Variants in YAP1 observed in about 807,000 individuals in gnomAD.
YAP1 encodes the protein Yes1 associated transcriptional regulator.
Under a neutral mutation model 56.9 loss-of-function variants are expected in YAP1, and 5 were observed. The ratio of observed to expected loss-of-function variants is 0.09; its 90% CI spans 0.05 to 0.18. The LOEUF (loss-of-function observed/expected upper bound fraction) is 0.18. Ranked by LOEUF, YAP1 falls within the 10% of genes least tolerant of loss-of-function variation. The pLI, the probability that YAP1 is intolerant of heterozygous loss-of-function variation, is 1.00. For missense variants in YAP1, 539 were observed against 651.8 expected, an observed-to-expected ratio of 0.83 and a Z score of 1.88; for synonymous variants, 265 against 248.1, an observed-to-expected ratio of 1.07 and a Z score of -0.64.
intron 2 of YAP1, among the ~76,000 whole-genome samples, chr11:102,154,138 G>A (rs1945816131): frequency 6.6e-6 from 1 of 152,138 alleles, no homozygotes; most frequent in Non-Finnish European, 1.5e-5. Context: ...CATTTAACTT[G>A]AGAGGTTCAA....
At chr11:102,141,374 G>C (rs940104793) in intron 2 of YAP1, among the ~76,000 whole-genome samples, 3 of 152,212 alleles carry the variant, frequency 2.0e-5, no homozygotes, top group Non-Finnish European at 4.4e-5. Flanking sequence ...TAAAGCTTCA[G>C]CACCATGCTC....
At chr11:102,134,080 T>C (rs1944530634) in intron 2 of YAP1, among the ~76,000 whole-genome samples, 1 of 152,196 alleles carries the variant, frequency 6.6e-6, no homozygotes, top group Admixed American at 6.5e-5. Flanking sequence ...TGTCAGCACA[T>C]TGAGGGATTA....
intron 2 of YAP1, among the ~76,000 whole-genome samples, chr11:102,121,192 C>G (rs1160090031): frequency 6.6e-6 from 1 of 152,156 alleles, no homozygotes; most frequent in Non-Finnish European, 1.5e-5. Context: ...AATCCCAGCA[C>G]TTTGAGAGGC....
rs151009014 is a variant in YAP1, at chr11:102,195,608, C to T, written c.802+9477C>T. On this transcript the variant is annotated intron_variant, in intron 4 of 8. Coordinates refer to ENST00000282441, the MANE Select transcript of YAP1 (RefSeq NM_001130145.3). ...ATCCTGTTCTCAGATAGTGAGTGCT[C>T]GCAAGATCTTATGGTTTTATAAGGG... Among the ~76,000 whole-genome samples, 286 of 152,210 alleles carry T rather than the reference C, an allele frequency of 1.9e-3. No individual in the cohort carries two copies. In the Middle Eastern group the frequency reaches 0.024, roughly 13 times the overall value.
At chr11:102,145,179 G>C (rs184846277) in intron 2 of YAP1, among the ~76,000 whole-genome samples, 1 of 152,270 alleles carries the variant, frequency 6.6e-6, no homozygotes, top group Admixed American at 6.5e-5. Flanking sequence ...CAGAGGCCAG[G>C]ACTGTTGCCA....
At chr11:102,134,626 A>C (rs1017388192) in intron 2 of YAP1, among the ~76,000 whole-genome samples, 2 of 151,856 alleles carry the variant, frequency 1.3e-5, no homozygotes, top group African/African-American at 4.8e-5. Context: ...GAATATTGCT[A>C]GTTCCTTAGA....
At chr11:102,163,642 C>G (rs1946427894) in intron 3 of YAP1, among the ~76,000 whole-genome samples, 1 of 152,136 alleles carries the variant, frequency 6.6e-6, no homozygotes. Flanking sequence ...ATGCATTTTC[C>G]CTAGATAACA....
chr11:102,136,409 C>T (rs1302342422), intron 2 of YAP1, among the ~76,000 whole-genome samples: 2 of 151,452 alleles, frequency 1.3e-5, no homozygotes, highest in East Asian at 3.9e-4. Context: ...GGCACAATCT[C>T]GGCTCACTGC....
chr11:102,203,714 A>G (rs914938268), intron 4 of YAP1, among the ~76,000 whole-genome samples: 2 of 152,250 alleles, frequency 1.3e-5, no homozygotes, highest in Non-Finnish European at 2.9e-5. Flanking sequence ...ACATAAAAAT[A>G]TATTCCAAAA....
chr11:102,206,136 C>T (rs907168894), intron 5 of YAP1, 62 bp downstream of exon 5: 1 of 1,552,396 alleles, frequency 6.4e-7, no homozygotes, highest in South Asian at 1.2e-5. Flanking sequence ...TAAAGTTGGG[C>T]AGATTTCATT....
intron 2 of YAP1, among the ~76,000 whole-genome samples, chr11:102,134,487 T>C (rs1340312923): frequency 6.8e-6 from 1 of 147,892 alleles, no homozygotes; most frequent in Non-Finnish European, 1.5e-5. Context: ...TTATATATAT[T>C]TATTTATATA....
chr11:102,150,601 C>G (rs925341040), intron 2 of YAP1, among the ~76,000 whole-genome samples: 1 of 152,044 alleles, frequency 6.6e-6, no homozygotes, highest in African/African-American at 2.4e-5. Flanking sequence ...CTATCTTGTA[C>G]TACTCATTTT....
chr11:102,128,912 C>G (rs1231650923), intron 2 of YAP1, among the ~76,000 whole-genome samples: 6 of 152,132 alleles, frequency 3.9e-5, no homozygotes, highest in Non-Finnish European at 8.8e-5. Flanking sequence ...TGGCCTCTCT[C>G]TCTCTTCCTT....
intron 3 of YAP1, among the ~76,000 whole-genome samples, chr11:102,182,221 A>T (rs1444488407): frequency 2.0e-5 from 3 of 152,222 alleles, no homozygotes; most frequent in African/African-American, 4.8e-5. Context: ...AGGCTCAGCA[A>T]CATGTGTTTT....
chr11:102,218,832 T>C (rs1392123783), intron 6 of YAP1, among the ~76,000 whole-genome samples: 1 of 152,190 alleles, frequency 6.6e-6, no homozygotes, highest in Non-Finnish European at 1.5e-5. Flanking sequence ...TCTGCTGACA[T>C]AGAAATTCAG....
At chr11:102,158,452 G>A (rs768526726) in intron 2 of YAP1, among the ~76,000 whole-genome samples, 6 of 152,148 alleles carry the variant, frequency 3.9e-5, no homozygotes, top group Non-Finnish European at 7.4e-5. Context: ...AAACTTCAAC[G>A]AACATACAGA....
chr11:102,193,362 A>C (rs1320788638), intron 4 of YAP1, among the ~76,000 whole-genome samples: 1 of 152,172 alleles, frequency 6.6e-6, no homozygotes, highest in African/African-American at 2.4e-5. Flanking sequence ...TATTCTAAAA[A>C]GTAAACAACT....
At chr11:102,215,918 CT>C (rs1412721934) in intron 6 of YAP1, among the ~76,000 whole-genome samples, 3 of 152,168 alleles carry the variant, frequency 2.0e-5, no homozygotes, top group Non-Finnish European at 2.9e-5. Context: ...ACAGGCCAGC[CT>C]TTTTCTCCCT....
At chr11:102,178,055 G>C (rs1208067486) in intron 3 of YAP1, among the ~76,000 whole-genome samples, 2 of 152,152 alleles carry the variant, frequency 1.3e-5, no homozygotes, top group African/African-American at 4.8e-5. Context: ...CTTTGCCTTA[G>C]ATTCCTCATC....
Sources: allele counts gnomAD v4.1 joint callset (sites outside exome capture counted in the v4.1 genomes callset), GRCh38; gene constraint gnomAD v4.1.1; transcripts MANE v1.5; gene names NCBI Gene and HGNC (gene_info 2026-07-23, HGNC 2026-07-21).